The following KCNQ2 variants were observed in gnomAD, a reference collection of about 807,000 sequenced individuals.
KCNQ2 encodes the protein potassium voltage-gated channel subfamily Q member 2.
Under a neutral mutation model 84.8 loss-of-function variants are expected in KCNQ2, and 14 were observed. The ratio of observed to expected loss-of-function variants is 0.17; its 90% confidence interval spans 0.11 to 0.26. The LOEUF is 0.26. KCNQ2 is among the 10% of genes least tolerant of loss of function. The pLI is 1.00. For synonymous variants in KCNQ2, 599 were observed against 554.1 expected, an observed-to-expected ratio of 1.08 and a Z score of -1.14; for missense variants, 788 against 1,254.0, an observed-to-expected ratio of 0.63 and a Z score of 5.61.
chr20:63,469,283 AC>A (rs906067282), intron 1 of KCNQ2, among the ~76,000 whole-genome samples: 1 of 152,058 alleles, frequency 6.6e-6, no homozygotes, highest in African/African-American at 2.4e-5. Flanking sequence ...GTGGCCCAGC[AC>A]CCCGCCCCGA....
At chr20:63,443,490 T>TCAC (rs2030419828) in intron 4 of KCNQ2, 1 of 50,756 alleles carries the variant, frequency 2.0e-5, no homozygotes, top group Admixed American at 1.9e-4. Context: ...ACCACCACCA[T>TCAC]CACCATCACC....
chr20:63,454,916 C>G (rs1026857678), intron 1 of KCNQ2, among the ~76,000 whole-genome samples: 14 of 152,242 alleles, frequency 9.2e-5, no homozygotes, highest in African/African-American at 3.1e-4. Flanking sequence ...CCATCACCAC[C>G]TCAGACCCAG....
chr20:63,446,645 G>A lies in KCNQ2; in HGVS notation c.387+102C>T. 2 of 950,432 alleles carry A rather than the reference G, an allele frequency of 2.1e-6. No individual in the cohort carries two copies. The highest frequency in any genetic ancestry group is 3.6e-5 in the Admixed American group (2 of 55,858). The allele number at this position is 950,432 out of a possible 1,614,324, so 58.9% of individuals were successfully genotyped here. On this transcript the variant is annotated intron_variant, in intron 2 of 16. Coordinates refer to ENST00000359125, the MANE Select transcript of KCNQ2 (RefSeq NM_172107.4). This position sits in a 1 kb window ranked among gnomAD's most constrained non-coding sequence, Gnocchi z 5.5. Reference sequence around the variant, plus strand: ...AAGACATGGCCAGAGCTGGGGCTGGGGGCGTCAGAGGCCCTGTAGTAACAG... The same window carrying A: ...AAGACATGGCCAGAGCTGGGGCTGGAGGCGTCAGAGGCCCTGTAGTAACAG...
At chr20:63,413,122 AACC>A (rs2080173121) in intron 15 of KCNQ2, among the ~76,000 whole-genome samples, 1 of 152,148 alleles carries the variant, frequency 6.6e-6, no homozygotes, top group African/African-American at 2.4e-5. Flanking sequence ...ACGTGCATAC[AACC>A]ACACACATAC....
At chr20:63,465,395 C>T (rs1228229782) in intron 1 of KCNQ2, among the ~76,000 whole-genome samples, 1 of 152,228 alleles carries the variant, frequency 6.6e-6, no homozygotes, top group Non-Finnish European at 1.5e-5. Context: ...GGCCGCCTCC[C>T]TCACACCCCC....
chr20:63,418,655 C>T (rs1359564349), intron 12 of KCNQ2, among the ~76,000 whole-genome samples: 2 of 152,200 alleles, frequency 1.3e-5, no homozygotes, highest in Non-Finnish European at 2.9e-5. Context: ...TCCGGACACG[C>T]AGGACAGCTG....
In KCNQ2 at chr20:63,444,817, C is replaced by A; in HGVS notation, c.532G>T (p.Ala178Ser). 6.2e-7 allele frequency: 1 copy of A among 1,603,102 alleles called. No homozygotes were observed. Among genetic ancestry groups the A allele is most frequent in the South Asian group, 1.1e-5 (1 of 89,668 alleles). The change falls in exon 4 of 17, where the codon GCC (alanine) becomes TCC (serine). Residue 178 changes from alanine to serine, a missense_variant. Around this residue, in one of 8 missense-constraint regions of KCNQ2, gnomAD observed 106 missense variants for 214.8 expected, o/e 0.49. Transcript: ENST00000359125. ...CCGGCGGCCAGCACCGCAATGGAGG[C>A]GATGAGCACCATGATGTCTACAAAG... is the stretch of plus-strand genomic sequence containing the variant. ...FCVIDIMVLIASIAVLAAGSQ... is the reference protein window; with the variant it reads ...FCVIDIMVLISSIAVLAAGSQ...
Position 63,407,073 on chromosome 20 carries a change from G to A in KCNQ2, c.2190C>T (p.Thr730=), listed in dbSNP as rs779515560. 6.5e-7 allele frequency: 1 copy of A among 1,527,006 alleles called. No homozygotes were observed. Among genetic ancestry groups the A allele is most frequent in the South Asian group, 1.2e-5 (1 of 83,364 alleles). 94.6% of individuals were successfully genotyped at this position (1,527,006 alleles called of 1,614,324 possible). The part of the protein sequence containing the change: ...PQSHPRQGHG[T]SPVGDHGSLV... ...GGGAGCCGTGGTCCCCCACGGGGGAGGTGCCGTGGCCCTGGCGCGGGTGGC... is the reference window on the plus strand; with the variant it reads ...GGGAGCCGTGGTCCCCCACGGGGGAAGTGCCGTGGCCCTGGCGCGGGTGGC... Residue 730 remains threonine (T), a synonymous_variant, in exon 17 of 17, where the codon ACC becomes ACT. Transcript: ENST00000359125. The surrounding 1 kb of genome is among the most constrained non-coding windows in gnomAD (Gnocchi z 7.2).
intron 8 of KCNQ2, among the ~76,000 whole-genome samples, chr20:63,432,893 C>A (rs1305850469): frequency 6.6e-6 from 1 of 152,126 alleles, no homozygotes; most frequent in East Asian, 1.9e-4. Context: ...GGGAAGGCCC[C>A]ACCCTTAGGG....
intron 1 of KCNQ2, chr20:63,466,454 G>T (rs551880690): frequency 6.6e-6 from 1 of 152,242 alleles, no homozygotes; most frequent in African/African-American, 2.4e-5. Context: ...AGAATCGGCC[G>T]GAGGGGCAGA....
chr20:63,461,619 A>C (rs1313474767), intron 1 of KCNQ2, among the ~76,000 whole-genome samples: 1 of 152,138 alleles, frequency 6.6e-6, no homozygotes, highest in Admixed American at 6.5e-5. Context: ...CCCAGAGCCT[A>C]ATCAGGTAGG....
At chr20:63,471,687 A>C (rs957319837) in intron 1 of KCNQ2, 2 of 154,572 alleles carry the variant, frequency 1.3e-5, no homozygotes, top group African/African-American at 2.4e-5. Flanking sequence ...AGGAACCCAG[A>C]AGCTCACCCT....
chr20:63,471,841 C>T (rs2082223844), intron 1 of KCNQ2: 1 of 306,760 alleles, frequency 3.3e-6, no homozygotes, highest in Non-Finnish European at 6.0e-6. Context: ...CGTCCCTCCC[C>T]GGCCGGCCCT....
intron 4 of KCNQ2, among the ~76,000 whole-genome samples, chr20:63,444,350 A>G (rs1357556813): frequency 3.9e-5 from 6 of 152,184 alleles, no homozygotes. Context: ...AAGACACCCA[A>G]CCACAGAGCC....
At chr20:63,452,583 C>A (rs868434756) in intron 1 of KCNQ2, among the ~76,000 whole-genome samples, 10 of 152,246 alleles carry the variant, frequency 6.6e-5, no homozygotes, top group African/African-American at 2.4e-4. Flanking sequence ...AGAGTGTATG[C>A]ATACAGTGGG....
intron 7 of KCNQ2, chr20:63,434,642 T>A (rs1230021080): frequency 6.6e-6 from 1 of 151,876 alleles, no homozygotes; most frequent in African/African-American, 2.4e-5. Context: ...CGCCAGGGTG[T>A]ACGGGGCTCC....
intron 12 of KCNQ2, among the ~76,000 whole-genome samples, chr20:63,419,071 C>T (rs2080388721): frequency 6.6e-6 from 1 of 152,080 alleles, no homozygotes; most frequent in South Asian, 2.1e-4. Flanking sequence ...CAGGAGCCCA[C>T]GGTGCAAAGG....
At position 63,408,473 on chromosome 20, in the gene KCNQ2, G is replaced by T; in HGVS notation, c.1827C>A (p.Ala609=). The change falls in exon 16 of 17, where the codon GCC becomes GCA. Residue 609 remains alanine, a synonymous_variant. Transcript: ENST00000359125. The surrounding 1 kb of genome is among the most constrained non-coding windows in gnomAD (Gnocchi z 5.0). ...ITDKDRTKGP[A]EAELPEDPSM... is the part of the protein sequence containing the mutation. ...TGGGGTCCTCGGGCAGCTCCGCCTCGGCCGGGCCCTTGGTGCGGTCCTTGT... is the reference window on the plus strand; with the variant it reads ...TGGGGTCCTCGGGCAGCTCCGCCTCTGCCGGGCCCTTGGTGCGGTCCTTGT... The T allele has an allele frequency of 6.2e-7, 1 of 1,607,862 alleles. No homozygotes were observed. The highest frequency in any genetic ancestry group is 1.1e-5 in the South Asian group (1 of 90,222).
At chr20:63,411,914 C>T (rs1197389064) in intron 15 of KCNQ2, 4 of 712,260 alleles carry the variant, frequency 5.6e-6, no homozygotes, top group Middle Eastern at 2.3e-4. Context: ...GAGACACCGG[C>T]GAAACGCATC....
Sources: allele counts gnomAD v4.1 joint callset (sites outside exome capture counted in the v4.1 genomes callset), GRCh38; gene constraint gnomAD v4.1.1; regional missense constraint gnomAD v4.1.1; non-coding constraint Gnocchi (gnomAD v3.1); transcripts MANE v1.5; gene names NCBI Gene and HGNC (gene_info 2026-07-23, HGNC 2026-07-21).